BRCA1: variants seen among roughly 807,000 people sequenced by gnomAD.
The protein encoded by BRCA1 is BRCA1 DNA repair associated.
A neutral mutation model predicts 173.7 loss-of-function variants in BRCA1; 140 were observed. The observed-to-expected ratio is 0.81, with a 90% CI of 0.70 to 0.93. The LOEUF (loss-of-function observed/expected upper bound fraction) is 0.93. BRCA1 is among the 40% of genes least tolerant of loss of function. The pLI, the probability that BRCA1 is intolerant of heterozygous loss-of-function variation, is 0.00. For synonymous variants in BRCA1, 662 were observed against 756.0 expected, an observed-to-expected ratio of 0.88 and a Z score of 2.04; for missense variants, 1,983 against 2,172.5, an observed-to-expected ratio of 0.91 and a Z score of 1.73.
Position 43,091,713 on chromosome 17 carries a change from T to A in BRCA1, c.3818A>T (p.Gln1273Leu), listed in dbSNP as rs431825400. The A allele has an allele frequency of 6.2e-7, 1 of 1,614,230 alleles. No homozygotes were observed. The highest frequency in any genetic ancestry group is 8.5e-7 in the Non-Finnish European group (1 of 1,180,034). ...LKNSLNDCSN[Q>L]VILAKASQEH... ...CTGAGATGCCTTTGCCAATATTACC[T>A]GGTTACTGCAGTCATTTAAGCTATT... Residue 1273 changes from glutamine (Q) to leucine (L), a missense_variant, in exon 10 of 23, where the codon CAG becomes CTG. Coordinates refer to ENST00000357654, the MANE Select transcript of BRCA1 (RefSeq NM_007294.4).
At chr17:43,053,266 G>C (rs918582427) in intron 19 of BRCA1, among the ~76,000 whole-genome samples, 1 of 152,142 alleles carries the variant, frequency 6.6e-6, no homozygotes, top group African/African-American at 2.4e-5. Flanking sequence ...TCCCCAGGCA[G>C]CCAAGTGGAG....
chr17:43,131,460 G>C (rs1245009848), intron 1 of BRCA1, among the ~76,000 whole-genome samples: 1 of 152,084 alleles, frequency 6.6e-6, no homozygotes, highest in East Asian at 1.9e-4. Flanking sequence ...TTGAAATCTT[G>C]CTCCCCAGAA....
chr17:43,099,649 C>G (rs1344086682), intron 7 of BRCA1, 126 bp downstream of exon 7: 1 of 747,468 alleles, frequency 1.3e-6, no homozygotes, highest in African/African-American at 1.7e-5. Context: ...CACCATAGGG[C>G]TCATAAAATT....
intron 16 of BRCA1, among the ~76,000 whole-genome samples, chr17:43,065,827 T>G (rs2153653798): frequency 6.6e-6 from 1 of 152,232 alleles, no homozygotes; most frequent in East Asian, 1.9e-4. Flanking sequence ...TGAGTGAGTC[T>G]TAATCCTGTT....
upstream of BRCA1, among the ~76,000 whole-genome samples, chr17:43,127,321 C>G (rs1351572824): frequency 6.6e-6 from 1 of 152,236 alleles, no homozygotes; most frequent in Non-Finnish European, 1.5e-5. Context: ...ATGCACCAGT[C>G]AGCACTCTGT....
chr17:43,112,260 T>C (rs924376866), intron 3 of BRCA1, among the ~76,000 whole-genome samples: 3 of 152,130 alleles, frequency 2.0e-5, no homozygotes, highest in African/African-American at 7.2e-5. Flanking sequence ...CAGCTAATTT[T>C]TGTATTTTTA....
rs1491270958 is a variant in BRCA1, at chr17:43,100,586, A to AT, written c.442-707dup. 4.1e-3 allele frequency among the ~76,000 whole-genome samples: 403 copies of AT among 97,768 alleles called. 45 individuals are homozygous for AT. Among genetic ancestry groups the AT allele is most frequent in the Non-Finnish European group, 6.4e-3 (340 of 52,964 alleles). 64.1% of individuals were successfully genotyped at this position (97,768 alleles called of 152,430 possible). On this transcript the variant is annotated intron_variant, in intron 6 of 22. Coordinates refer to ENST00000357654, the MANE Select transcript of BRCA1 (RefSeq NM_007294.4). Reference sequence around the variant, plus strand: ...TATATATATATAACATATATATAACATATATATATTATATATATATAACAT... The same window carrying AT: ...TATATATATATAACATATATATAACATTATATATATTATATATATATAACAT...
intron 15 of BRCA1, 140 bp from the exon 16 acceptor site, chr17:43,067,835 A>AT (rs2052203308): frequency 3.1e-6 from 1 of 322,382 alleles, no homozygotes; most frequent in Non-Finnish European, 5.1e-6. Flanking sequence ...ATTTAAAGTG[A>AT]ATTTTTTTTT....
At chr17:43,051,455 T>C (rs1002223732) in intron 19 of BRCA1, among the ~76,000 whole-genome samples, 10 of 152,088 alleles carry the variant, frequency 6.6e-5, no homozygotes, top group Non-Finnish European at 1.2e-4. Flanking sequence ...CTTTAACTTG[T>C]TAGATGCAAG....
intron 18 of BRCA1, among the ~76,000 whole-genome samples, chr17:43,059,058 A>G (rs541744841): frequency 6.6e-6 from 1 of 152,294 alleles, no homozygotes; most frequent in Admixed American, 6.5e-5. Context: ...CTAGTGATAA[A>G]TTTGTCAGAA....
intron 11 of BRCA1, among the ~76,000 whole-genome samples, chr17:43,088,695 G>A (rs1281556470): frequency 6.6e-6 from 1 of 152,160 alleles, no homozygotes; most frequent in Non-Finnish European, 1.5e-5. Flanking sequence ...GGGTATTTAA[G>A]ATTTAGGTGG....
chr17:43,049,820 T>C (rs8176302), intron 20 of BRCA1, among the ~76,000 whole-genome samples: 1 of 152,192 alleles, frequency 6.6e-6, no homozygotes, highest in Admixed American at 6.5e-5. Context: ...CTGTTGGCTG[T>C]GTTCTTCAAG....
chr17:43,079,546 G>C (rs1350908927), intron 12 of BRCA1: 2 of 959,000 alleles, frequency 2.1e-6, no homozygotes, highest in African/African-American at 3.2e-5. Flanking sequence ...TTAAGGGCAA[G>C]ATTCTTGCCA....
intron 1 of BRCA1, among the ~76,000 whole-genome samples, chr17:43,147,173 T>C (rs2056128158): frequency 6.6e-6 from 1 of 152,138 alleles, no homozygotes; most frequent in Non-Finnish European, 1.5e-5. Flanking sequence ...GCTAATTTTG[T>C]ATTTTTAGTA....
rs755100009 is a variant in BRCA1 at position 43,081,470 on chromosome 17, G to A, written c.4357+934C>T. On this transcript the variant is annotated intron_variant, in intron 12 of 22. Coordinates refer to ENST00000357654, the MANE Select transcript of BRCA1 (RefSeq NM_007294.4). ...GAAAGACTCCAAGAAAGGTCTTAAA[G>A]TTCCCAGTTGGACTGTGGAACGGGG... Among the ~76,000 whole-genome samples, 26 of 152,302 alleles carry A rather than the reference G, an allele frequency of 1.7e-4. 1 individual carries two copies. Among genetic ancestry groups the A allele is most frequent in the Admixed American group, 9.2e-4 (14 of 15,288 alleles).
At chr17:43,095,689 C>T (rs571949438) in intron 9 of BRCA1, among the ~76,000 whole-genome samples, 157 bp downstream of exon 9, 2 of 152,086 alleles carry the variant, frequency 1.3e-5, no homozygotes, top group South Asian at 4.2e-4. Flanking sequence ...TCTATCAGAC[C>T]ATACCACGAC....
At chr17:43,063,532 C>A (rs533222994) in intron 17 of BRCA1, among the ~76,000 whole-genome samples, 159 bp from the exon 18 acceptor site, 4 of 152,308 alleles carry the variant, frequency 2.6e-5, no homozygotes, top group Non-Finnish European at 5.9e-5. Context: ...CTTGTAGCAG[C>A]AGTTTCCTTC....
intron 19 of BRCA1, among the ~76,000 whole-genome samples, chr17:43,055,904 C>T (rs1460741050): frequency 6.6e-6 from 1 of 152,178 alleles, no homozygotes; most frequent in Non-Finnish European, 1.5e-5. Flanking sequence ...AGTGGCACTG[C>T]ACTCCAGCCT....
chr17:43,170,317 G>T, upstream of BRCA1: 1 of 156,382 alleles, frequency 6.4e-6, no homozygotes, highest in Non-Finnish European at 1.4e-5. Flanking sequence ...GAGGAAGGGC[G>T]GGACAGAAAG....
Sources: gnomAD v4.1 joint callset for allele counts (sites outside exome capture counted in the v4.1 genomes callset) on GRCh38, gnomAD v4.1.1 for gene constraint, MANE v1.5 for transcripts, NCBI Gene and HGNC (gene_info 2026-07-23, HGNC 2026-07-21) for gene names.